HSCB: variants seen among roughly 807,000 people sequenced by gnomAD.
The protein encoded by HSCB is iron-sulfur cluster co-chaperone protein HscB.
A neutral mutation model predicts 31.3 loss-of-function variants in HSCB; 23 were observed. That is an observed-to-expected ratio of 0.74 (90% CI 0.53 to 1.04). The LOEUF is 1.04. HSCB is among the 50% of genes least tolerant of loss of function. The pLI, the probability that HSCB is intolerant of heterozygous loss-of-function variation, is 0.00. For missense variants in HSCB, 297 were observed against 288.1 expected, an observed-to-expected ratio of 1.03 and a Z score of -0.22; for synonymous variants, 110 against 104.5, an observed-to-expected ratio of 1.05 and a Z score of -0.32.
At chr22:28,753,003 C>T (rs1256152061) in intron 5 of HSCB, among the ~76,000 whole-genome samples, 7 of 151,216 alleles carry the variant, frequency 4.6e-5, no homozygotes, top group Non-Finnish European at 5.9e-5. Context: ...GGCTTGATCC[C>T]GGAAGTCGGA....
At position 28,742,307 on chromosome 22, in the gene HSCB, G is replaced by C; in HGVS notation, c.212G>C (p.Arg71Pro). The C allele has an allele frequency of 6.2e-7, 1 of 1,614,160 alleles. No individual in the cohort carries two copies. The highest frequency in any genetic ancestry group is 2.2e-5 in the East Asian group (1 of 44,874). The change falls in exon 1 of 6, where the codon CGA becomes CCA. Residue 71 changes from arginine (R) to proline (P), a missense_variant. By Grantham distance (103) the Arg-to-Pro change is moderately radical. Coordinates refer to ENST00000216027, the MANE Select transcript of HSCB (RefSeq NM_172002.5). The part of the protein sequence containing the change: ...CRALQAPDPT[R>P]DYFSLMDCNR... Reference sequence around the variant, plus strand: ...GCGCTGCAGGCACCTGACCCCACTCGAGACTACTTCAGCCTTATGGACTGG... The same window carrying C: ...GCGCTGCAGGCACCTGACCCCACTCCAGACTACTTCAGCCTTATGGACTGG...
At chr22:28,752,457 G>A (rs990335593) in intron 5 of HSCB, among the ~76,000 whole-genome samples, 5 of 150,604 alleles carry the variant, frequency 3.3e-5, no homozygotes, top group African/African-American at 4.9e-5. Context: ...AAATTGGGCC[G>A]GGCATGGTTA....
chr22:28,748,092 G>A (rs1190244766), intron 4 of HSCB, among the ~76,000 whole-genome samples: 2 of 152,196 alleles, frequency 1.3e-5, no homozygotes, highest in Admixed American at 6.5e-5. Flanking sequence ...GGCTGAGGCG[G>A]GAGAATCGCT....
intron 4 of HSCB, among the ~76,000 whole-genome samples, chr22:28,749,615 G>A (rs530801350): frequency 6.6e-6 from 1 of 152,250 alleles, no homozygotes; most frequent in South Asian, 2.1e-4. Context: ...AAGGAACTTG[G>A]TATTTACTAA....
At chr22:28,756,483 T>TA (rs1048131093) in intron 5 of HSCB, among the ~76,000 whole-genome samples, 2 of 148,348 alleles carry the variant, frequency 1.3e-5, no homozygotes, top group Non-Finnish European at 3.0e-5. Flanking sequence ...TTTTTTTTTT[T>TA]AAAGAGACAG....
upstream of HSCB, chr22:28,742,036 G>A (rs1391047123): frequency 2.6e-6 from 4 of 1,537,390 alleles, no homozygotes; most frequent in Non-Finnish European, 3.5e-6. Flanking sequence ...CATTAGTCTG[G>A]TTAGACGCTC....
chr22:28,745,956 C>A lies in HSCB; in HGVS notation c.516C>A (p.Leu172=), dbSNP rs779979473. 6.2e-7 allele frequency: 1 copy of A among 1,613,670 alleles called. No individual in the cohort carries two copies. Among genetic ancestry groups the A allele is most frequent in the South Asian group, 1.1e-5 (1 of 91,002 alleles). ...LIEIMEINEK[L]AEAESEAAMK... is the part of the protein sequence containing the mutation. Reference sequence around the variant, plus strand: ...AAATAATGGAAATCAATGAAAAACTCGCAGAAGCTGAAAGTGAAGCTGCCA... The same window carrying A: ...AAATAATGGAAATCAATGAAAAACTAGCAGAAGCTGAAAGTGAAGCTGCCA... Residue 172 remains leucine, a synonymous_variant, in exon 4 of 6, where the codon CTC becomes CTA. Transcript: ENST00000216027.
At chr22:28,753,984 T>C (rs1004501786) in intron 5 of HSCB, among the ~76,000 whole-genome samples, 4 of 150,386 alleles carry the variant, frequency 2.7e-5, no homozygotes, top group African/African-American at 9.8e-5. Flanking sequence ...CTCTGAAAAA[T>C]TAGCTGGGTG....
In HSCB at chr22:28,757,068, T is replaced by G. The variant is rs749347480; in HGVS notation, c.617-10T>G. 1.4e-6 allele frequency: 2 copies of G among 1,465,812 alleles called. No homozygotes were observed. Among genetic ancestry groups the G allele is most frequent in the Admixed American group, 1.7e-5 (1 of 59,646 alleles). The allele number at this position is 1,465,812 out of a possible 1,614,324, so 90.8% of individuals were successfully genotyped here. A position where few individuals can be genotyped will look rare whatever the true frequency, so the allele number is the denominator to read the frequency against. ...ATGAAGCCTGACTTCAGTGTCTCTG[T>G]CTATTTCAGATGACTTTGAAGAAGC... On this transcript the variant is annotated splice_polypyrimidine_tract_variant and intron_variant, in intron 5 of 5. Transcript: ENST00000216027.
intron 5 of HSCB, among the ~76,000 whole-genome samples, chr22:28,752,733 CA>C (rs374738245): frequency 1.8e-3 from 226 of 128,328 alleles, no homozygotes; most frequent in Middle Eastern, 4.3e-3. Context: ...GACTCCATCT[CA>C]AAAAAAAAAA....
At chr22:28,746,598 A>C (rs994080472) in intron 4 of HSCB, among the ~76,000 whole-genome samples, 7 of 151,218 alleles carry the variant, frequency 4.6e-5, no homozygotes, top group African/African-American at 1.7e-4. Context: ...AAAAAAATAC[A>C]AAAAAATCAG....
chr22:28,742,707 C>G (rs1010578678), intron 1 of HSCB: 1 of 283,986 alleles, frequency 3.5e-6, no homozygotes, highest in African/African-American at 2.2e-5. Flanking sequence ...GCCTGGGAGA[C>G]TGGAAGACTT....
rs1231900946 is a variant in HSCB, at chr22:28,742,078, A to G, written c.-18A>G. On this transcript the variant is annotated 5_prime_UTR_variant, in exon 1 of 6. Coordinates refer to ENST00000216027, the MANE Select transcript of HSCB (RefSeq NM_172002.5). ...CTTTTCCCCACGAGTGACCACGGCT[A>G]GATAGGCCGCCGGCCAGATGTGGCG... 1 of 1,598,190 alleles carries G rather than the reference A, an allele frequency of 6.3e-7. No individual in the cohort carries two copies. The highest frequency in any genetic ancestry group is 8.5e-7 in the Non-Finnish European group (1 of 1,173,528).
In HSCB at chr22:28,750,945, C is replaced by CT. The variant is rs758451182; in HGVS notation, c.569-272dup. ...GGAGATAATCAAAGTATATCTTTGTCTTTTTTTTTTTTTTTTTTTTTTTTA... is the reference window on the plus strand; with the variant it reads ...GGAGATAATCAAAGTATATCTTTGTCTTTTTTTTTTTTTTTTTTTTTTTTTA... On this transcript the variant is annotated intron_variant, in intron 4 of 5. Coordinates refer to ENST00000216027, the MANE Select transcript of HSCB (RefSeq NM_172002.5). Among the ~76,000 whole-genome samples the CT allele has an allele frequency of 7.4e-3, 419 of 56,448 alleles. 27 individuals carry two copies. The highest frequency in any genetic ancestry group is 8.3e-3 in the Non-Finnish European group (256 of 30,930). 37.0% of individuals were successfully genotyped at this position (56,448 alleles called of 152,430 possible). A position where few individuals can be genotyped will look rare whatever the true frequency, so the allele number is the denominator to read the frequency against.
chr22:28,756,249 CA>C (rs150222695), intron 5 of HSCB, among the ~76,000 whole-genome samples: 2,163 of 99,602 alleles, frequency 0.022, 42 homozygotes, highest in African/African-American at 0.059. Context: ...CTCCATCTCA[CA>C]AAAAAAAAAA....
chr22:28,754,541 A>C (rs531801341), intron 5 of HSCB, among the ~76,000 whole-genome samples: 2 of 152,004 alleles, frequency 1.3e-5, no homozygotes, highest in Non-Finnish European at 2.9e-5. Context: ...GTGATGATGC[A>C]TGCCTGTAAT....
At position 28,757,264 on chromosome 22, in the gene HSCB, A is replaced by T; in HGVS notation, c.*95A>T. On this transcript the variant is annotated 3_prime_UTR_variant, in exon 6 of 6. Transcript: ENST00000216027. ...CACTTTGGGAGGCTGAGGTGGGTGG[A>T]TGACAAGGTCAGGAGTTCAAGACCA... 1 of 639,074 alleles carries T rather than the reference A, an allele frequency of 1.6e-6. No homozygotes were observed. The highest frequency in any genetic ancestry group is 2.8e-6 in the Non-Finnish European group (1 of 351,186). 39.6% of individuals were successfully genotyped at this position (639,074 alleles called of 1,614,324 possible).
chr22:28,744,586 A>C, intron 2 of HSCB, 29 bp from the exon 3 acceptor site: 20 of 1,420,466 alleles, frequency 1.4e-5, no homozygotes, highest in Non-Finnish European at 1.9e-5. Flanking sequence ...TTTGGATGGT[A>C]ATAGTACTAT....
At chr22:28,750,945 C>CTTTTTTTTTGTTTTTTTTTTTTTTT (rs2030189296) in intron 4 of HSCB, among the ~76,000 whole-genome samples, 1 of 56,452 alleles carries the variant, frequency 1.8e-5, no homozygotes, top group Non-Finnish European at 3.2e-5. Flanking sequence ...ATATCTTTGT[C>CTTTTTTTTTGTTTTTTTTTTTTTTT]TTTTTTTTTT....
Sources: allele counts gnomAD v4.1 joint callset (sites outside exome capture counted in the v4.1 genomes callset), GRCh38; gene constraint gnomAD v4.1.1; transcripts MANE v1.5; gene names NCBI Gene and HGNC (gene_info 2026-07-23, HGNC 2026-07-21).